Variants in HAS2 observed in about 807,000 individuals in gnomAD.
HAS2 encodes HA synthase 2.
HAS2 carries 16 observed loss-of-function variants against 51.6 expected under a neutral mutation model. The observed-to-expected ratio is 0.31, with a 90% CI of 0.21 to 0.47. The LOEUF (loss-of-function observed/expected upper bound fraction) is 0.47. Among genes scored for constraint, HAS2 ranks in the 20% least tolerant of loss-of-function variants. The pLI, the probability that HAS2 is intolerant of heterozygous loss-of-function variation, is 1.00. For missense variants in HAS2, 361 were observed against 662.6 expected, an observed-to-expected ratio of 0.54 and a Z score of 5.00; for synonymous variants, 228 against 235.5, an observed-to-expected ratio of 0.97 and a Z score of 0.29.
chr8:121,639,894 C>T (rs2130457727), intron 1 of HAS2: 1 of 152,574 alleles, frequency 6.6e-6, no homozygotes, highest in Admixed American at 6.5e-5. Flanking sequence ...GCCCCTCGCC[C>T]CGTTCATCGG....
In HAS2 at chr8:121,615,227, C is replaced by G. The variant is rs532881378; in HGVS notation, c.730-189G>C. Among the ~76,000 whole-genome samples the G allele has an allele frequency of 3.3e-5, 5 of 152,196 alleles. No homozygotes were observed. The East Asian group carries it at 7.7e-4, about 24-fold the overall frequency. The stretch of plus-strand genomic sequence containing the variant: ...TCTGATTCTGTTACTATTTGTTATG[C>G]TGTATGCATGTGTTGCGATTCTTTG... On this transcript the variant is annotated intron_variant, in intron 3 of 3. Coordinates refer to ENST00000303924, the MANE Select transcript of HAS2 (RefSeq NM_005328.3).
In HAS2 at chr8:121,613,710, T is replaced by C. The variant is rs541800470; in HGVS notation, c.*399A>G. On this transcript the variant is annotated 3_prime_UTR_variant, in exon 4 of 4. Coordinates refer to ENST00000303924, the MANE Select transcript of HAS2 (RefSeq NM_005328.3). The stretch of plus-strand genomic sequence containing the variant: ...AAAATCCTTCCTAAAAAAAAAAAAT[T>C]ATCATCTATCAAAACAGTCCATAAG... 2.1e-4 allele frequency: 34 copies of C among 165,196 alleles called. No homozygotes were observed. In the South Asian group the frequency reaches 5.3e-3, roughly 26 times the overall value. 10.2% of individuals were successfully genotyped at this position (165,196 alleles called of 1,614,324 possible).
chr8:121,619,098 G>C (rs1812743804), intron 2 of HAS2, among the ~76,000 whole-genome samples: 1 of 151,988 alleles, frequency 6.6e-6, no homozygotes, highest in South Asian at 2.1e-4. Flanking sequence ...ATCTAGGCTG[G>C]GTGCAGTGGC....
At chr8:121,634,689 G>A (rs78992685) in intron 1 of HAS2, among the ~76,000 whole-genome samples, 7,133 of 151,592 alleles carry the variant, frequency 0.047, 223 homozygotes, top group Non-Finnish European at 0.067. Context: ...AATCTTTACT[G>A]CAGAGGCAAT....
chr8:121,632,567 G>A (rs1812948223), intron 1 of HAS2, among the ~76,000 whole-genome samples: 1 of 152,098 alleles, frequency 6.6e-6, no homozygotes, highest in African/African-American at 2.4e-5. Context: ...CAAACCAAGT[G>A]TTAAAGAACA....
At chr8:121,626,475 T>C (rs1812855231) in intron 2 of HAS2, among the ~76,000 whole-genome samples, 1 of 152,190 alleles carries the variant, frequency 6.6e-6, no homozygotes. Context: ...CATGGTCAAT[T>C]TCTTCCCCAG....
At chr8:121,635,655 C>T (rs982573514) in intron 1 of HAS2, among the ~76,000 whole-genome samples, 13 of 152,290 alleles carry the variant, frequency 8.5e-5, no homozygotes, top group African/African-American at 2.2e-4. Flanking sequence ...AGTACACTTG[C>T]GCCTCTTATT....
chr8:121,615,940 G>T (rs2385924), intron 3 of HAS2, among the ~76,000 whole-genome samples: 29,232 of 151,818 alleles, frequency 0.19, 2,912 homozygotes, highest in Middle Eastern at 0.3. Context: ...TCTCAATTTT[G>T]CCAGCTCCTT....
At chr8:121,636,972 C>A (rs762693394) in intron 1 of HAS2, among the ~76,000 whole-genome samples, 2 of 152,296 alleles carry the variant, frequency 1.3e-5, no homozygotes, top group East Asian at 3.9e-4. Context: ...ATCCACACCC[C>A]TTATTAATTC....
intron 1 of HAS2, among the ~76,000 whole-genome samples, chr8:121,640,452 AAAG>A (rs1427281149): frequency 1.5e-5 from 2 of 134,438 alleles, no homozygotes; most frequent in African/African-American, 5.5e-5. Context: ...TGTGGGAAAA[AAAG>A]AAGGGAAGGG....
Position 121,614,674 on chromosome 8 carries a change from T to C in HAS2, c.1094A>G (p.Asn365Ser). 2.5e-6 allele frequency: 4 copies of C among 1,614,174 alleles called. No homozygotes were observed. Among genetic ancestry groups the C allele is most frequent in the Non-Finnish European group, 2.5e-6 (3 of 1,180,010 alleles). ...GTGATGTTTGTGAAACCACATTGCATTGTACAGCCATTCTCGGAAGTAGGA... is the reference window on the plus strand; with the variant it reads ...GTGATGTTTGTGAAACCACATTGCACTGTACAGCCATTCTCGGAAGTAGGA... ...SKSYFREWLY[N>S]AMWFHKHHLW... The change falls in exon 4 of 4, where the codon AAT (asparagine) becomes AGT (serine). Residue 365 changes from asparagine to serine, a missense_variant. Around this residue, in one of 5 missense-constraint regions of HAS2, gnomAD observed 106 missense variants for 241.0 expected, o/e 0.44. Coordinates refer to ENST00000303924, the MANE Select transcript of HAS2 (RefSeq NM_005328.3). The surrounding 1 kb of genome is among the most constrained non-coding windows in gnomAD (Gnocchi z 7.2).
chr8:121,630,928 T>G (rs1470888770), intron 1 of HAS2, among the ~76,000 whole-genome samples: 1 of 152,182 alleles, frequency 6.6e-6, no homozygotes, highest in Non-Finnish European at 1.5e-5. Flanking sequence ...ACTGTACTTT[T>G]GGGAAACCTT....
intron 2 of HAS2, among the ~76,000 whole-genome samples, chr8:121,622,966 T>C (rs1252376896): frequency 6.6e-6 from 1 of 151,026 alleles, no homozygotes; most frequent in East Asian, 1.9e-4. Flanking sequence ...AAAAAAATAG[T>C]CCTCAATGAA....
At chr8:121,626,369 T>A (rs1227346464) in intron 2 of HAS2, among the ~76,000 whole-genome samples, 1 of 151,920 alleles carries the variant, frequency 6.6e-6, no homozygotes, top group Non-Finnish European at 1.5e-5. Context: ...GTGAAAAGAG[T>A]GCTGAAGAGT....
intron 2 of HAS2, among the ~76,000 whole-genome samples, chr8:121,626,792 T>C (rs569790538): frequency 7.2e-5 from 11 of 152,292 alleles, no homozygotes; most frequent in Admixed American, 2.6e-4. Context: ...TTCAGAATGC[T>C]AAGAGATTTG....
chr8:121,618,716 C>T (rs1331827664), intron 2 of HAS2, among the ~76,000 whole-genome samples: 1 of 152,044 alleles, frequency 6.6e-6, no homozygotes, highest in African/African-American at 2.4e-5. Flanking sequence ...GCTTGATATC[C>T]CCATTCAGAC....
In HAS2 at chr8:121,614,049, G is replaced by T. The variant is rs1423463314; in HGVS notation, c.*60C>A. 1 of 1,611,486 alleles carries T rather than the reference G, an allele frequency of 6.2e-7. No individual in the cohort carries two copies. The highest frequency in any genetic ancestry group is 8.5e-7 in the Non-Finnish European group (1 of 1,179,686). On this transcript the variant is annotated 3_prime_UTR_variant, in exon 4 of 4. Transcript: ENST00000303924. This position sits in a 1 kb window ranked among gnomAD's most constrained non-coding sequence, Gnocchi z 7.2. The stretch of plus-strand genomic sequence containing the variant: ...TGGCATTATCTGATGCCACAATACT[G>T]TACAGCCCCTAGAGGAACTAAGGTG...
At chr8:121,624,149 A>G (rs531589139) in intron 2 of HAS2, among the ~76,000 whole-genome samples, 98 of 152,358 alleles carry the variant, frequency 6.4e-4, no homozygotes, top group African/African-American at 2.1e-3. Context: ...CAACAGCACG[A>G]TATCTCATGC....
At chr8:121,632,046 T>C (rs571273786) in intron 1 of HAS2, among the ~76,000 whole-genome samples, 1 of 152,326 alleles carries the variant, frequency 6.6e-6, no homozygotes, top group East Asian at 1.9e-4. Flanking sequence ...CTTTTGAAGC[T>C]TGGGAAAAGT....
Sources: allele counts gnomAD v4.1 joint callset (sites outside exome capture counted in the v4.1 genomes callset), GRCh38; gene constraint gnomAD v4.1.1; regional missense constraint gnomAD v4.1.1; non-coding constraint Gnocchi (gnomAD v3.1); transcripts MANE v1.5; gene names NCBI Gene and HGNC (gene_info 2026-07-23, HGNC 2026-07-21).